SLC38A10: variants seen among roughly 807,000 people sequenced by gnomAD.
SLC38A10 encodes the protein solute carrier family 38 member 10, also known as Sodium-coupled neutral amino acid transporter 10.
SLC38A10 carries 53 observed loss-of-function variants against 81.0 expected under a neutral mutation model. The observed-to-expected ratio is 0.65, with a 90% CI of 0.53 to 0.82. The LOEUF (loss-of-function observed/expected upper bound fraction) is 0.82, where lower values mean the gene tolerates loss of function less well. Among genes scored for constraint, SLC38A10 ranks in the 40% least tolerant of loss-of-function variants. SLC38A10 has a pLI of 0.00. For missense variants in SLC38A10, 1,471 were observed against 1,545.0 expected, an observed-to-expected ratio of 0.95 and a Z score of 0.80; for synonymous variants, 665 against 655.3, an observed-to-expected ratio of 1.01 and a Z score of -0.23.
chr17:81,258,825 C>T (rs750838949), intron 11 of SLC38A10, among the ~76,000 whole-genome samples: 2 of 152,228 alleles, frequency 1.3e-5, no homozygotes, highest in Non-Finnish European at 2.9e-5. Context: ...CCAAATCCAA[C>T]GCAAGGCAGC....
Position 81,246,930 on chromosome 17 carries a change from T to A in SLC38A10, c.2197A>T (p.Ile733Phe), listed in dbSNP as rs1271221486. The A allele has an allele frequency of 6.2e-7, 1 of 1,606,380 alleles. No individual in the cohort carries two copies. The highest frequency in any genetic ancestry group is 2.2e-5 in the East Asian group (1 of 44,790). Reference protein sequence around the residue: ...LAVIEEQHKEIHQQRQEDEED... With the variant: ...LAVIEEQHKEFHQQRQEDEED... The stretch of plus-strand genomic sequence containing the variant: ...TCGTCCTCCTGCCTCTGCTGGTGGA[T>A]CTCCTTGTGCTGCTCCTCGATCACC... The change falls in exon 15 of 16, where the codon ATC (isoleucine) becomes TTC (phenylalanine). Residue 733 changes from isoleucine (I) to phenylalanine (F), a missense_variant. Physicochemically the swap from Ile to Phe is conservative, Grantham distance 21. Transcript: ENST00000374759.
At chr17:81,294,786 A>G (rs914752219) in intron 1 of SLC38A10, 37 bp downstream of exon 1, 106 of 1,516,378 alleles carry the variant, frequency 7.0e-5, no homozygotes, top group Non-Finnish European at 8.8e-5. Flanking sequence ...TCTGCGGGGG[A>G]GGCGAGGGCG....
chr17:81,253,369 T>A lies in SLC38A10; in HGVS notation c.1289-129A>T, dbSNP rs2062938370. 1.2e-5 allele frequency: 14 copies of A among 1,130,398 alleles called. No homozygotes were observed. In the South Asian group the frequency reaches 2.2e-4, roughly 18 times the overall value. The allele number at this position is 1,130,398 out of a possible 1,614,324, so 70.0% of individuals were successfully genotyped here. A position where few individuals can be genotyped will look rare whatever the true frequency, so the allele number is the denominator to read the frequency against. Reference sequence around the variant, plus strand: ...AAAGCAGTTTCTTTTTCCTGTTCGATCATTAGCAGCTAAGTAGCACAGAAA... The same window carrying A: ...AAAGCAGTTTCTTTTTCCTGTTCGAACATTAGCAGCTAAGTAGCACAGAAA... On this transcript the variant is annotated intron_variant, in intron 11 of 15. Transcript: ENST00000374759. The surrounding 1 kb of genome is among the most constrained non-coding windows in gnomAD (Gnocchi z 4.1).
rs890197277 is a variant in SLC38A10 at position 81,272,770 on chromosome 17, C to A, written c.913-143G>T. 3 of 512,964 alleles carry A rather than the reference C, an allele frequency of 5.8e-6. No individual in the cohort carries two copies. The African/African-American group carries it at 6.0e-5, about 10-fold the overall frequency. 31.8% of individuals were successfully genotyped at this position (512,964 alleles called of 1,614,324 possible). A position where few individuals can be genotyped will look rare whatever the true frequency, so the allele number is the denominator to read the frequency against. Reference sequence around the variant, plus strand: ...GCCGCGCACTCACCTGGCAGGTGAGCCTGACCAGCACAATCAGATCTGGCT... The same window carrying A: ...GCCGCGCACTCACCTGGCAGGTGAGACTGACCAGCACAATCAGATCTGGCT... On this transcript the variant is annotated intron_variant, in intron 8 of 15. Transcript: ENST00000374759.
chr17:81,278,301 T>C (rs532682443), intron 6 of SLC38A10, among the ~76,000 whole-genome samples: 1 of 152,138 alleles, frequency 6.6e-6, no homozygotes, highest in African/African-American at 2.4e-5. Flanking sequence ...GGAGGATCAC[T>C]GGAGCCCGGG....
intron 13 of SLC38A10, 59 bp from the exon 14 acceptor site, chr17:81,251,671 G>A (rs2062916119): frequency 1.4e-6 from 2 of 1,446,888 alleles, no homozygotes; most frequent in Admixed American, 5.4e-5. Flanking sequence ...GGGTTTGGGG[G>A]GTTGGGGGAC....
At chr17:81,280,879 CTGTG>C (rs2063205921) in intron 5 of SLC38A10, 146 bp from the exon 6 acceptor site, 8 of 1,231,348 alleles carry the variant, frequency 6.5e-6, no homozygotes, top group Non-Finnish European at 8.7e-6. Context: ...CTGTGCCGCC[CTGTG>C]CCGCCTTGTG....
chr17:81,274,610 C>A (rs1188060148), intron 8 of SLC38A10, among the ~76,000 whole-genome samples: 1 of 152,206 alleles, frequency 6.6e-6, no homozygotes, highest in Non-Finnish European at 1.5e-5. Context: ...AGGAGGGGAA[C>A]CTGGACGGGG....
At chr17:81,248,294 G>T (rs577176525) in intron 14 of SLC38A10, among the ~76,000 whole-genome samples, 1 of 152,164 alleles carries the variant, frequency 6.6e-6, no homozygotes, top group African/African-American at 2.4e-5. Context: ...GAGCTGGAGC[G>T]TCAGTGAGGC....
Position 81,283,628 on chromosome 17 carries a change from T to C in SLC38A10, c.264-126A>G, listed in dbSNP as rs907430231. On this transcript the variant is annotated intron_variant, in intron 3 of 15. Coordinates refer to ENST00000374759, the MANE Select transcript of SLC38A10 (RefSeq NM_001037984.3). This position sits in a 1 kb window ranked among gnomAD's most constrained non-coding sequence, Gnocchi z 4.7. The stretch of plus-strand genomic sequence containing the variant: ...GTGATTTCTTTTTTCTTTTTTTTTT[T>C]TTTGAAACAGAGTCTCACTCTGTCG... The C allele has an allele frequency of 1.5e-6, 1 of 649,962 alleles. No individual in the cohort carries two copies. The highest frequency in any genetic ancestry group is 2.5e-6 in the Non-Finnish European group (1 of 394,250). 40.3% of individuals were successfully genotyped at this position (649,962 alleles called of 1,614,324 possible). A position where few individuals can be genotyped will look rare whatever the true frequency, so the allele number is the denominator to read the frequency against.
intron 9 of SLC38A10, 22 bp downstream of exon 9, chr17:81,272,494 C>T (rs1426547208): frequency 6.5e-7 from 1 of 1,542,518 alleles, no homozygotes; most frequent in South Asian, 1.2e-5. Context: ...TCCCCGGCAA[C>T]AGGGCAGCCC....
rs897434266 is a variant in SLC38A10 at position 81,265,595 on chromosome 17, C to T, written c.1132-5201G>A. Among the ~76,000 whole-genome samples the T allele has an allele frequency of 2.0e-5, 3 of 152,226 alleles. No individual in the cohort carries two copies. Among genetic ancestry groups the T allele is most frequent in the African/African-American group, 7.2e-5 (3 of 41,464 alleles). On this transcript the variant is annotated intron_variant, in intron 10 of 15. Coordinates refer to ENST00000374759, the MANE Select transcript of SLC38A10 (RefSeq NM_001037984.3). The surrounding 1 kb of genome is among the most constrained non-coding windows in gnomAD (Gnocchi z 4.2). ...CCCCAGCATATCACCAGTTGTGGCT[C>T]TTCCTGAGGTCCCTGGGCTGGGTAC...
At chr17:81,279,882 T>A (rs1298014223) in intron 6 of SLC38A10, 1 of 199,662 alleles carries the variant, frequency 5.0e-6, no homozygotes, top group African/African-American at 2.4e-5. Flanking sequence ...GAAATGACGA[T>A]TTGGATCTCG....
At position 81,253,208 on chromosome 17, in the gene SLC38A10, C is replaced by T; in HGVS notation, c.1321G>A (p.Gly441Ser). The change falls in exon 12 of 16, where the codon GGC becomes AGC. Residue 441 changes from glycine (G) to serine (S), a missense_variant. Around this residue, in one of 2 missense-constraint regions of SLC38A10, gnomAD observed 720 missense variants for 827.7 expected, o/e 0.87. Coordinates refer to ENST00000374759, the MANE Select transcript of SLC38A10 (RefSeq NM_001037984.3). The surrounding 1 kb of genome is among the most constrained non-coding windows in gnomAD (Gnocchi z 4.1). ...QDPVVAVAEDGREKPKLPKER... is the reference protein window; with the variant it reads ...QDPVVAVAEDSREKPKLPKER... ...TTCGGCAGCTTCGGCTTCTCCCGGCCATCCTCAGCCACGGCCACAACCGGA... is the reference window on the plus strand; with the variant it reads ...TTCGGCAGCTTCGGCTTCTCCCGGCTATCCTCAGCCACGGCCACAACCGGA... 3 of 1,613,752 alleles carry T rather than the reference C, an allele frequency of 1.9e-6. No homozygotes were observed. The highest frequency in any genetic ancestry group is 2.5e-6 in the Non-Finnish European group (3 of 1,180,044).
At chr17:81,250,204 C>T in intron 14 of SLC38A10, 1 of 1,102,408 alleles carries the variant, frequency 9.1e-7, no homozygotes, top group Non-Finnish European at 1.2e-6. Context: ...GGTAACAGAG[C>T]ATAGGAATTG....
At chr17:81,255,276 C>T (rs1315136075) in intron 11 of SLC38A10, among the ~76,000 whole-genome samples, 4 of 152,276 alleles carry the variant, frequency 2.6e-5, no homozygotes, top group Non-Finnish European at 5.9e-5. Context: ...CCTTCATGCC[C>T]GGCGCTCTGC....
At chr17:81,294,750 C>A in intron 1 of SLC38A10, 73 bp downstream of exon 1, 1 of 1,403,316 alleles carries the variant, frequency 7.1e-7, no homozygotes, top group Non-Finnish European at 9.5e-7. Context: ...GGAACTTTAA[C>A]CAGGACGACC....
At chr17:81,251,093 A>G in intron 14 of SLC38A10, 1 of 1,493,582 alleles carries the variant, frequency 6.7e-7, no homozygotes, top group Non-Finnish European at 8.9e-7. Context: ...AAACCTCCAC[A>G]TCTGGGTGCA....
At chr17:81,261,435 G>A (rs1233850949) in intron 10 of SLC38A10, among the ~76,000 whole-genome samples, 1 of 152,250 alleles carries the variant, frequency 6.6e-6, no homozygotes. Flanking sequence ...AGAGCCAAGG[G>A]GCTGTGCCAT....
Sources: allele counts gnomAD v4.1 joint callset (sites outside exome capture counted in the v4.1 genomes callset), GRCh38; gene constraint gnomAD v4.1.1; regional missense constraint gnomAD v4.1.1; non-coding constraint Gnocchi (gnomAD v3.1); transcripts MANE v1.5; gene names NCBI Gene and HGNC (gene_info 2026-07-23, HGNC 2026-07-21).